Variants in CTNNA3 observed in about 807,000 individuals in gnomAD.
CTNNA3 encodes catenin alpha 3, also known as catenin alpha-3.
CTNNA3 carries 76 observed loss-of-function variants against 95.7 expected under a neutral mutation model. The ratio of observed to expected loss-of-function variants is 0.79; its 90% CI spans 0.66 to 0.96. The LOEUF is 0.96. Among genes scored for constraint, CTNNA3 ranks in the 40% least tolerant of loss-of-function variants. The probability of loss-of-function intolerance (pLI) is 0.00; values close to 1 mark genes in which losing one functional copy is unlikely to be tolerated. For missense variants in CTNNA3, 1,191 were observed against 1,089.8 expected, an observed-to-expected ratio of 1.09 and a Z score of -1.31; for synonymous variants, 431 against 374.4, an observed-to-expected ratio of 1.15 and a Z score of -1.74.
chr10:66,758,815 A>T (rs1460389205), intron 9 of CTNNA3, among the ~76,000 whole-genome samples: 1 of 152,028 alleles, frequency 6.6e-6, no homozygotes, highest in East Asian at 1.9e-4. Flanking sequence ...GGCACCTGTA[A>T]TCCCAGCTAC....
At chr10:66,462,963 T>C (rs944693614) in intron 11 of CTNNA3, among the ~76,000 whole-genome samples, 6 of 152,190 alleles carry the variant, frequency 3.9e-5, no homozygotes, top group Admixed American at 2.6e-4. Flanking sequence ...AATGAAATAA[T>C]TCATTTACAT....
chr10:67,204,654 A>G (rs2132221659), intron 6 of CTNNA3, among the ~76,000 whole-genome samples: 2 of 152,328 alleles, frequency 1.3e-5, no homozygotes, highest in South Asian at 4.1e-4. Flanking sequence ...AACTGACATG[A>G]CAGTCCGGAA....
At position 67,691,053 on chromosome 10, in the gene CTNNA3, G is replaced by C. The variant is rs1220296483; in HGVS notation, c.-6+4947C>G. 2.0e-5 allele frequency among the ~76,000 whole-genome samples: 3 copies of C among 152,320 alleles called. No individual in the cohort carries two copies. In the East Asian group the frequency reaches 5.8e-4, roughly 29 times the overall value. ...ATTGCAGGCGCGCGCCGCCACGCCT[G>C]ACTGGTTTTCGTATTTTTTTGGTGG... On this transcript the variant is annotated intron_variant, in intron 1 of 17. Coordinates refer to ENST00000433211, the MANE Select transcript of CTNNA3 (RefSeq NM_013266.4).
chr10:66,637,339 A>G (rs537540410), intron 9 of CTNNA3, among the ~76,000 whole-genome samples: 20 of 152,316 alleles, frequency 1.3e-4, no homozygotes, highest in South Asian at 6.2e-4. Flanking sequence ...AATTCAAGAA[A>G]GCAATGCTGC....
chr10:66,870,955 A>G (rs1397491005), intron 7 of CTNNA3, among the ~76,000 whole-genome samples: 1 of 152,202 alleles, frequency 6.6e-6, no homozygotes, highest in African/African-American at 2.4e-5. Flanking sequence ...AAGGGAAACC[A>G]GTTGATGCAC....
At chr10:67,249,870 G>C (rs1388866579) in intron 5 of CTNNA3, among the ~76,000 whole-genome samples, 4 of 152,144 alleles carry the variant, frequency 2.6e-5, no homozygotes, top group Admixed American at 1.3e-4. Flanking sequence ...GGATGTGGGA[G>C]AAAACTGGAG....
intron 14 of CTNNA3, among the ~76,000 whole-genome samples, chr10:66,072,498 G>A (rs941540426): frequency 6.6e-5 from 10 of 151,898 alleles, no homozygotes; most frequent in African/African-American, 2.4e-4. Flanking sequence ...AGGCTGGAGT[G>A]CAGTGGCATG....
intron 5 of CTNNA3, among the ~76,000 whole-genome samples, chr10:67,434,338 G>T (rs759584911): frequency 7.9e-5 from 12 of 151,850 alleles, no homozygotes; most frequent in Non-Finnish European, 1.6e-4. Flanking sequence ...ATAGGATAAG[G>T]TCCATAAGCC....
At chr10:66,589,504 T>C (rs1252487289) in intron 10 of CTNNA3, among the ~76,000 whole-genome samples, 2 of 152,106 alleles carry the variant, frequency 1.3e-5, no homozygotes. Context: ...ACACCCATGG[T>C]TGTTCCTCTA....
chr10:67,011,338 CAAAAAAAAAA>C (rs764795305), intron 7 of CTNNA3, among the ~76,000 whole-genome samples: 1 of 62,378 alleles, frequency 1.6e-5, no homozygotes, highest in Non-Finnish European at 3.4e-5. Flanking sequence ...AAGTCTGTCT[CAAAAAAAAAA>C]AAAAAAAAGC....
At chr10:67,186,634 C>T (rs1480665207) in intron 6 of CTNNA3, among the ~76,000 whole-genome samples, 2 of 152,150 alleles carry the variant, frequency 1.3e-5, no homozygotes. Flanking sequence ...TTAAGACCAA[C>T]TGAAATAAGT....
intron 15 of CTNNA3, among the ~76,000 whole-genome samples, chr10:66,005,323 T>C (rs2078857465): frequency 6.6e-6 from 1 of 152,148 alleles, no homozygotes; most frequent in Non-Finnish European, 1.5e-5. Context: ...CAGAATCAGC[T>C]CCTATGATGA....
intron 1 of CTNNA3, among the ~76,000 whole-genome samples, chr10:67,681,431 T>C (rs1229502430): frequency 1.3e-5 from 2 of 152,084 alleles, no homozygotes; most frequent in African/African-American, 4.8e-5. Flanking sequence ...AGGTGATTCT[T>C]AAATAAATTA....
chr10:66,316,319 G>T (rs1282149145), intron 12 of CTNNA3, among the ~76,000 whole-genome samples: 1 of 151,946 alleles, frequency 6.6e-6, no homozygotes, highest in Admixed American at 6.6e-5. Flanking sequence ...GAACAGGGTG[G>T]GCTCCCTGAG....
chr10:67,292,466 C>T (rs1839876848), intron 5 of CTNNA3, among the ~76,000 whole-genome samples: 1 of 152,042 alleles, frequency 6.6e-6, no homozygotes, highest in South Asian at 2.1e-4. Context: ...TCATGTAAAA[C>T]AATAAGCGCA....
chr10:66,538,214 G>A (rs573681230), intron 10 of CTNNA3, among the ~76,000 whole-genome samples: 1 of 151,902 alleles, frequency 6.6e-6, no homozygotes, highest in Non-Finnish European at 1.5e-5. Context: ...TTTAATTGAT[G>A]TGCACAGGAG....
chr10:67,521,771 C>A, intron 5 of CTNNA3, 71 bp downstream of exon 5: 7 of 1,559,898 alleles, frequency 4.5e-6, no homozygotes, highest in Non-Finnish European at 6.1e-6. Context: ...CCCACCTGCA[C>A]CTCTGACAGG....
intron 9 of CTNNA3, among the ~76,000 whole-genome samples, chr10:66,647,671 C>G (rs1322980759): frequency 8.1e-6 from 1 of 123,098 alleles, no homozygotes; most frequent in Non-Finnish European, 1.7e-5. Context: ...CCACCACGCC[C>G]AGCTAAATTT....
chr10:67,230,441 T>C (rs1865136412), intron 5 of CTNNA3, among the ~76,000 whole-genome samples: 1 of 151,860 alleles, frequency 6.6e-6, no homozygotes, highest in Non-Finnish European at 1.5e-5. Flanking sequence ...GATAAACAGT[T>C]GGGACTTAAT....
Sources: allele counts gnomAD v4.1 joint callset (sites outside exome capture counted in the v4.1 genomes callset), GRCh38; gene constraint gnomAD v4.1.1; transcripts MANE v1.5; gene names NCBI Gene and HGNC (gene_info 2026-07-23, HGNC 2026-07-21).